Variants in GNS observed in about 807,000 individuals in gnomAD.
GNS encodes N-acetylglucosamine-6-sulfatase.
GNS carries 40 observed loss-of-function variants against 69.7 expected under a neutral mutation model. That is an observed-to-expected ratio of 0.57 (90% CI 0.45 to 0.75). The LOEUF is 0.75. GNS is among the 30% of genes least tolerant of loss of function. The pLI, the probability that GNS is intolerant of heterozygous loss-of-function variation, is 0.00. For synonymous variants in GNS, 243 were observed against 251.6 expected (o/e 0.97, Z 0.32); for missense variants, 565 against 685.5 (o/e 0.82, Z 1.96).
intron 2 of GNS, among the ~76,000 whole-genome samples, chr12:64,750,984 G>A (rs191972049): frequency 2.4e-4 from 36 of 152,096 alleles, no homozygotes; most frequent in Non-Finnish European, 3.8e-4. Context: ...CTTACCACTC[G>A]CATCATTTTG....
chr12:64,740,470 T>G (rs1432873459), intron 7 of GNS, 136 bp downstream of exon 7: 1 of 697,426 alleles, frequency 1.4e-6, no homozygotes, highest in Non-Finnish European at 2.6e-6. Context: ...TGGTGCCCCA[T>G]CGAAGCCTCT....
intron 13 of GNS, among the ~76,000 whole-genome samples, chr12:64,719,744 G>A (rs1868966549): frequency 2.0e-5 from 3 of 152,186 alleles, no homozygotes; most frequent in Admixed American, 2.0e-4. Context: ...GCAAACAAGT[G>A]GTACCATGAC....
At position 64,732,153 on chromosome 12, in the gene GNS, ATTTTTTTTTTTTGTTGTT is replaced by A. The variant is rs1219793526; in HGVS notation, c.1099-3114_1099-3097del. On this transcript the variant is annotated intron_variant, in intron 9 of 13. Coordinates refer to ENST00000258145, the MANE Select transcript of GNS (RefSeq NM_002076.4). ...AGGCACCTGCCACCACACCTGGCTA[ATTTTTTTTTTTTGTTGTT>A]TTTTTTTTTTTTTTGAGACGGAGTC... Among the ~76,000 whole-genome samples, 7 of 88,756 alleles carry A rather than the reference ATTTTTTTTTTTTGTTGTT, an allele frequency of 7.9e-5. 1 individual carries two copies. Among genetic ancestry groups the A allele is most frequent in the Non-Finnish European group, 1.4e-4 (7 of 48,556 alleles). 58.2% of individuals were successfully genotyped at this position (88,756 alleles called of 152,430 possible).
intron 5 of GNS, among the ~76,000 whole-genome samples, chr12:64,744,392 TTA>T (rs1263307343): frequency 2.0e-5 from 3 of 152,184 alleles, no homozygotes; most frequent in Non-Finnish European, 1.5e-5. Context: ...TCAGTAATTT[TTA>T]TATGTAAATA....
rs746164753 is a variant in GNS at position 64,747,865 on chromosome 12, C to T, written c.306G>A (p.Lys102=). The T allele has an allele frequency of 1.1e-5, 18 of 1,611,494 alleles. No individual in the cohort carries two copies. In the South Asian group the frequency reaches 1.8e-4, roughly 16 times the overall value. ...CPSRASILTG[K]YPHNHHVVNN... ...TCACAACGTGATGATTATGTGGGTA[C>T]TTTCCTGTCAGGATACTGGCTCTGC... Residue 102 remains lysine (K), a synonymous_variant, in exon 3 of 14, where the codon AAG becomes AAA. Transcript: ENST00000258145.
In GNS at chr12:64,716,334, A is replaced by C. The variant is rs1868856334; in HGVS notation, c.*407T>G. ...AATGCTACACAGGTCCTTTGACTTT[A>C]GGTCAAGCTTACATATCAAAAGGTG... On this transcript the variant is annotated 3_prime_UTR_variant, in exon 14 of 14. Transcript: ENST00000258145. The C allele has an allele frequency of 1.5e-5, 4 of 269,424 alleles. No homozygotes were observed. Among genetic ancestry groups the C allele is most frequent in the African/African-American group, 2.2e-5 (1 of 45,942 alleles). 16.7% of individuals were successfully genotyped at this position (269,424 alleles called of 1,614,324 possible).
At chr12:64,741,380 G>A (rs1398718652) in intron 6 of GNS, among the ~76,000 whole-genome samples, 1 of 151,524 alleles carries the variant, frequency 6.6e-6, no homozygotes. Flanking sequence ...GTGCCTCCCG[G>A]GTTCATGCGA....
At chr12:64,749,248 C>CTTTTTT (rs759239939) in intron 2 of GNS, among the ~76,000 whole-genome samples, 2 of 65,054 alleles carry the variant, frequency 3.1e-5, no homozygotes, top group Non-Finnish European at 5.3e-5. Flanking sequence ...CTTGATTTGG[C>CTTTTTT]TTTTTTTTTT....
intron 6 of GNS, among the ~76,000 whole-genome samples, chr12:64,742,572 A>T (rs1489368818): frequency 6.6e-6 from 1 of 152,208 alleles, no homozygotes; most frequent in Non-Finnish European, 1.5e-5. Context: ...CCTTACAAGC[A>T]ATTACAATTT....
chr12:64,753,785 C>A (rs906657255), intron 1 of GNS, among the ~76,000 whole-genome samples: 1 of 152,110 alleles, frequency 6.6e-6, no homozygotes, highest in Non-Finnish European at 1.5e-5. Context: ...CCAAAAAAAG[C>A]TCTGATAATT....
At position 64,715,066 on chromosome 12, in the gene GNS, C is replaced by G. The variant is rs1868818903; in HGVS notation, c.*1675G>C. The G allele has an allele frequency of 6.6e-6, 1 of 152,580 alleles. No individual in the cohort carries two copies. Among genetic ancestry groups the G allele is most frequent in the African/African-American group, 2.4e-5 (1 of 41,432 alleles). The allele number at this position is 152,580 out of a possible 1,614,324, so 9.5% of individuals were successfully genotyped here. ...GTCTTACAAAGTGCTTAAAGCTGGA[C>G]AGAAGACTTTAAATAAAGCTAAAAT... is the stretch of plus-strand genomic sequence containing the variant. On this transcript the variant is annotated 3_prime_UTR_variant, in exon 14 of 14. Transcript: ENST00000258145.
intron 13 of GNS, among the ~76,000 whole-genome samples, chr12:64,717,501 G>A (rs1201441779): frequency 6.7e-6 from 1 of 148,784 alleles, no homozygotes; most frequent in Non-Finnish European, 1.5e-5. Flanking sequence ...ACTGGCGTGC[G>A]CCACCACACC....
chr12:64,747,199 G>A (rs925231900), intron 3 of GNS, among the ~76,000 whole-genome samples: 15 of 152,100 alleles, frequency 9.9e-5, no homozygotes, highest in African/African-American at 3.6e-4. Context: ...CCCTGACTCT[G>A]GGTAACTAAT....
At chr12:64,736,841 A>G (rs975722856) in intron 9 of GNS, among the ~76,000 whole-genome samples, 163 bp downstream of exon 9, 1 of 152,178 alleles carries the variant, frequency 6.6e-6, no homozygotes, top group African/African-American at 2.4e-5. Flanking sequence ...AGCAGTGGGA[A>G]GTTAAGGAAA....
chr12:64,743,079 C>T, intron 6 of GNS, 62 bp downstream of exon 6: 2 of 1,281,610 alleles, frequency 1.6e-6, no homozygotes, highest in Non-Finnish European at 2.3e-6. Context: ...GGCTTCCTGA[C>T]AAGTATACCA....
intron 12 of GNS, 114 bp from the exon 13 acceptor site, chr12:64,720,296 A>G (rs1868985354): frequency 1.3e-6 from 1 of 759,166 alleles, no homozygotes; most frequent in South Asian, 1.5e-5. Flanking sequence ...AAAAAAAAAA[A>G]AAATCAAGGC....
rs1868862633 is a variant in GNS, at chr12:64,716,519, GA to G, written c.*221del. The G allele has an allele frequency of 3.4e-6, 2 of 595,718 alleles. No homozygotes were observed. Among genetic ancestry groups the G allele is most frequent in the Non-Finnish European group, 6.1e-6 (2 of 328,812 alleles). The allele number at this position is 595,718 out of a possible 1,614,324, so 36.9% of individuals were successfully genotyped here. On this transcript the variant is annotated 3_prime_UTR_variant, in exon 14 of 14. Transcript: ENST00000258145. ...TCAGGAGTGTCCTTGTCAGCTAAAG[GA>G]AGAGACCAGAGACAGCCACTCCTGA...
intron 9 of GNS, among the ~76,000 whole-genome samples, chr12:64,733,380 C>T (rs1224287689): frequency 6.7e-6 from 1 of 150,054 alleles, no homozygotes; most frequent in Non-Finnish European, 1.5e-5. Context: ...CTTATTCTTG[C>T]TCTGAAAGAA....
intron 6 of GNS, among the ~76,000 whole-genome samples, chr12:64,741,099 TGGGAGGC>T (rs1869718945): frequency 2.3e-4 from 4 of 17,146 alleles, no homozygotes; most frequent in Non-Finnish European, 1.8e-4. Flanking sequence ...CCCAGCTACT[TGGGAGGC>T]TGAGGCAGGA....
Sources: allele counts gnomAD v4.1 joint callset (sites outside exome capture counted in the v4.1 genomes callset), GRCh38; gene constraint gnomAD v4.1.1; transcripts MANE v1.5; gene names NCBI Gene and HGNC (gene_info 2026-07-23, HGNC 2026-07-21).